The following SLC14A2 variants were observed in gnomAD, a reference collection of about 807,000 sequenced individuals.
SLC14A2 encodes urea transporter 2.
Under a neutral mutation model 104.6 loss-of-function variants are expected in SLC14A2, and 91 were observed. That is an observed-to-expected ratio of 0.87 (90% CI 0.73 to 1.04). SLC14A2 has a LOEUF of 1.04. Among genes scored for constraint, SLC14A2 ranks in the 50% least tolerant of loss-of-function variants. The pLI is 0.00. For missense variants in SLC14A2, 1,189 were observed against 1,156.0 expected (o/e 1.03, Z -0.41); for synonymous variants, 476 against 466.4 (o/e 1.02, Z -0.27).
At chr18:45,631,729 C>T (rs1460454362) in intron 4 of SLC14A2, among the ~76,000 whole-genome samples, 1 of 152,204 alleles carries the variant, frequency 6.6e-6, no homozygotes, top group Admixed American at 6.5e-5. Flanking sequence ...TCAAGTGATC[C>T]TCCCACCTTA....
intron 1 of SLC14A2, among the ~76,000 whole-genome samples, chr18:45,218,042 C>T (rs193071822): frequency 4.6e-5 from 7 of 152,238 alleles, no homozygotes; most frequent in African/African-American, 1.4e-4. Flanking sequence ...ATAAAATTTA[C>T]CATTTTAACG....
intron 11 of SLC14A2, among the ~76,000 whole-genome samples, chr18:45,665,781 G>A (rs994880388): frequency 3.1e-5 from 4 of 128,108 alleles, no homozygotes; most frequent in Admixed American, 1.0e-4. Context: ...TCAAGCACAA[G>A]TCACTGTCTC....
chr18:45,401,055 G>A (rs990104308), intron 1 of SLC14A2, among the ~76,000 whole-genome samples: 26 of 152,164 alleles, frequency 1.7e-4, no homozygotes, highest in Admixed American at 5.2e-4. Flanking sequence ...GCTAAGATCT[G>A]GGTGATAGGT....
At chr18:45,187,868 G>A in the SLC14A2 span, among the ~76,000 whole-genome samples, 1 of 152,172 alleles carries the variant, frequency 6.6e-6, no homozygotes, top group African/African-American at 2.4e-5. Flanking sequence ...TTTGAGGTGA[G>A]ATTGAGTCAT....
At chr18:45,613,020 C>A (rs1026382546), upstream of SLC14A2, among the ~76,000 whole-genome samples, 2 of 104,308 alleles carry the variant, frequency 1.9e-5, no homozygotes, top group African/African-American at 8.2e-5. Flanking sequence ...ATAAATTACC[C>A]AGTCTTTGGC....
At position 45,627,052 on chromosome 18, in the gene SLC14A2, C is replaced by G. The variant is rs2144510407; in HGVS notation, c.426C>G (p.Phe142Leu). 1 of 1,613,776 alleles carries G rather than the reference C, an allele frequency of 6.2e-7. No homozygotes were observed. ...INNPLSGLII[F>L]IGLLIQNPWW... is the part of the protein sequence containing the mutation. ...ATCCTCTCAGCGGCCTCATCATCTT[C>G]ATAGGGCTGCTGATCCAGAATCCCT... Residue 142 changes from phenylalanine to leucine, a missense_variant, in exon 4 of 20, where the codon TTC becomes TTG. Coordinates refer to ENST00000255226, the MANE Select transcript of SLC14A2 (RefSeq NM_007163.4).
intron 18 of SLC14A2, among the ~76,000 whole-genome samples, chr18:45,674,946 T>C (rs2046202589): frequency 6.6e-6 from 1 of 152,148 alleles, no homozygotes; most frequent in African/African-American, 2.4e-5. Context: ...GTCCCAGCCT[T>C]GACAAAGAGG....
At chr18:45,334,401 T>G (rs1012766496) in intron 1 of SLC14A2, among the ~76,000 whole-genome samples, 4 of 152,220 alleles carry the variant, frequency 2.6e-5, no homozygotes, top group Non-Finnish European at 5.9e-5. Flanking sequence ...GCCACATATA[T>G]TCCTCTTTTT....
chr18:45,190,144 A>T, the SLC14A2 span, among the ~76,000 whole-genome samples: 1 of 152,236 alleles, frequency 6.6e-6, no homozygotes, highest in Admixed American at 6.5e-5. Context: ...TTATTTGCAT[A>T]CAAAGTGATT....
intron 18 of SLC14A2, among the ~76,000 whole-genome samples, chr18:45,675,709 A>ATATATATATATATATATATATT (rs57989993): frequency 1.3e-5 from 1 of 78,396 alleles, no homozygotes; most frequent in African/African-American, 4.9e-5. Context: ...ATATATATAT[A>ATATATATATATATATATATATT]TTTTTTTTTT....
rs1398760296 is a variant in SLC14A2 at position 45,433,954 on chromosome 18, C to T, written c.-124-49279C>T. Among the ~76,000 whole-genome samples the T allele has an allele frequency of 3.3e-5, 5 of 152,180 alleles. No individual in the cohort carries two copies. In the South Asian group the frequency reaches 6.2e-4, roughly 19 times the overall value. ...CAACTTCTCACTGCCTTCAGTTCAT[C>T]CCATGCTCATAATACTTACTCAGGG... On this transcript the variant is annotated intron_variant, in intron 1 of 20. Coordinates refer to the SLC14A2 transcript ENST00000586448.
chr18:45,419,679 CAGG>C lies in SLC14A2; in HGVS notation c.-124-63551_-124-63549del, dbSNP rs2086319459. On this transcript the variant is annotated intron_variant, in intron 1 of 20. Transcript: ENST00000586448. ...ATCCCAGTGACTCTGGAGGCTGAGA[CAGG>C]AGAATTACTTGATCCCAGGAGGCAG... Among the ~76,000 whole-genome samples the C allele has an allele frequency of 2.0e-5, 3 of 151,172 alleles. No homozygotes were observed. The South Asian group carries it at 6.2e-4, about 31-fold the overall frequency.
chr18:45,373,084 G>A (rs1166906920), intron 1 of SLC14A2, among the ~76,000 whole-genome samples: 1 of 152,126 alleles, frequency 6.6e-6, no homozygotes, highest in Non-Finnish European at 1.5e-5. Flanking sequence ...ATCTGATGGA[G>A]TCTATTTCAT....
At chr18:45,186,183 A>C in the SLC14A2 span, among the ~76,000 whole-genome samples, 1 of 152,214 alleles carries the variant, frequency 6.6e-6, no homozygotes, top group African/African-American at 2.4e-5. Flanking sequence ...TGAAAGACAC[A>C]AATTTGGAGT....
chr18:45,415,915 T>C (rs1463525358), intron 1 of SLC14A2, among the ~76,000 whole-genome samples: 1 of 152,190 alleles, frequency 6.6e-6, no homozygotes, highest in Non-Finnish European at 1.5e-5. Flanking sequence ...TCCCCATCGA[T>C]GTACCTGTCC....
chr18:45,386,680 C>G (rs574961889), intron 1 of SLC14A2, among the ~76,000 whole-genome samples: 13 of 152,330 alleles, frequency 8.5e-5, no homozygotes, highest in African/African-American at 3.1e-4. Flanking sequence ...ATTAGAAGAA[C>G]ATCATGGTTG....
chr18:45,672,153 C>T (rs975138326), intron 16 of SLC14A2, among the ~76,000 whole-genome samples: 1 of 152,186 alleles, frequency 6.6e-6, no homozygotes, highest in African/African-American at 2.4e-5. Flanking sequence ...AACAAAATCA[C>T]ACCCCAAACA....
intron 1 of SLC14A2, among the ~76,000 whole-genome samples, chr18:45,394,588 T>C (rs2086008104): frequency 6.6e-6 from 1 of 152,184 alleles, no homozygotes; most frequent in Non-Finnish European, 1.5e-5. Context: ...TGATTTGCGT[T>C]TCCCTGATGA....
upstream of SLC14A2, among the ~76,000 whole-genome samples, chr18:45,614,445 C>A (rs1179874107): frequency 1.3e-5 from 2 of 152,128 alleles, no homozygotes; most frequent in African/African-American, 4.8e-5. Context: ...TACTCCAGAC[C>A]CCAGAATGGT....
Sources: allele counts gnomAD v4.1 joint callset (sites outside exome capture counted in the v4.1 genomes callset), GRCh38; gene constraint gnomAD v4.1.1; transcripts MANE v1.5; gene names NCBI Gene and HGNC (gene_info 2026-07-23, HGNC 2026-07-21).